The following NRG1 variants were observed in gnomAD, a reference collection of about 807,000 sequenced individuals.
NRG1 encodes neuregulin 1, also known as pro-neuregulin-1, membrane-bound isoform.
NRG1 carries 18 observed loss-of-function variants against 63.8 expected under a neutral mutation model. The observed-to-expected ratio is 0.28, with a 90% CI of 0.19 to 0.42. NRG1 has a LOEUF of 0.42. Ranked by LOEUF, NRG1 falls within the 10% of genes least tolerant of loss-of-function variation. The pLI, the probability that NRG1 is intolerant of heterozygous loss-of-function variation, is 1.00. For synonymous variants in NRG1, 302 were observed against 301.3 expected (o/e 1.00, Z -0.02); for missense variants, 762 against 814.7 (o/e 0.94, Z 0.79).
chr8:32,252,566 G>C (rs536007388), intron 1 of NRG1, among the ~76,000 whole-genome samples: 1 of 152,152 alleles, frequency 6.6e-6, no homozygotes, highest in South Asian at 2.1e-4. Flanking sequence ...ATCTGTTTTG[G>C]TACCAGTACC....
At chr8:32,275,349 C>T (rs1851981445) in intron 1 of NRG1, among the ~76,000 whole-genome samples, 1 of 151,924 alleles carries the variant, frequency 6.6e-6, no homozygotes, top group Non-Finnish European at 1.5e-5. Flanking sequence ...TGGAGACAGA[C>T]GGTAAGAATA....
At chr8:31,716,064 A>T (rs1465352499) in intron 1 of NRG1, among the ~76,000 whole-genome samples, 1 of 152,192 alleles carries the variant, frequency 6.6e-6, no homozygotes, top group Non-Finnish European at 1.5e-5. Flanking sequence ...CATGAATAAT[A>T]CTTCCAGTTA....
intron 5 of NRG1, among the ~76,000 whole-genome samples, chr8:32,646,162 TG>T (rs977330941): frequency 1.3e-5 from 2 of 152,128 alleles, no homozygotes; most frequent in Non-Finnish European, 2.9e-5. Context: ...TAGTCTTCTT[TG>T]GGTGAGATAG....
chr8:31,887,703 G>T (rs950476817), intron 1 of NRG1, among the ~76,000 whole-genome samples: 1 of 152,054 alleles, frequency 6.6e-6, no homozygotes, highest in African/African-American at 2.4e-5. Flanking sequence ...TCTGAGGAAA[G>T]ATGGCTGTAA....
At chr8:32,685,385 A>G (rs1809827832) in intron 5 of NRG1, among the ~76,000 whole-genome samples, 2 of 151,652 alleles carry the variant, frequency 1.3e-5, no homozygotes, top group South Asian at 4.2e-4. Flanking sequence ...AAGTGAGGGA[A>G]CTCCTCCCTT....
intron 1 of NRG1, among the ~76,000 whole-genome samples, chr8:32,285,746 T>C (rs1353066094): frequency 6.6e-6 from 1 of 152,208 alleles, no homozygotes; most frequent in Non-Finnish European, 1.5e-5. Flanking sequence ...TAGTACCATG[T>C]TGTCTTCCTA....
chr8:32,147,266 G>A (rs1443037796), intron 1 of NRG1, among the ~76,000 whole-genome samples: 1 of 152,114 alleles, frequency 6.6e-6, no homozygotes, highest in Non-Finnish European at 1.5e-5. Context: ...TGTACGCTAA[G>A]TAGATAATTG....
chr8:31,931,495 A>G (rs1019191414), intron 1 of NRG1, among the ~76,000 whole-genome samples: 3 of 152,190 alleles, frequency 2.0e-5, no homozygotes, highest in Non-Finnish European at 4.4e-5. Context: ...GATCATTATT[A>G]TAATTACAAC....
At chr8:31,651,260 T>C (rs1243886224) in intron 1 of NRG1, among the ~76,000 whole-genome samples, 1 of 152,232 alleles carries the variant, frequency 6.6e-6, no homozygotes, top group East Asian at 1.9e-4. Context: ...TGGCATCGTC[T>C]TTTCAAAAAG....
In NRG1 at chr8:32,363,003, G is replaced by A. The variant is rs190431963; in HGVS notation, c.38-232825G>A. 1.9e-3 allele frequency among the ~76,000 whole-genome samples: 290 copies of A among 152,274 alleles called. 1 individual carries two copies. Among genetic ancestry groups the A allele is most frequent in the Non-Finnish European group, 1.5e-3 (100 of 68,024 alleles). ...ACGTGCCCTGTGCAAGGCCACATGC[G>A]CATGGGGTGTGCAATTAACTCTGCC... On this transcript the variant is annotated intron_variant, in intron 1 of 10. Coordinates refer to the NRG1 transcript ENST00000519301.
chr8:32,288,079 T>A (rs1207858398), intron 1 of NRG1, among the ~76,000 whole-genome samples: 1 of 152,168 alleles, frequency 6.6e-6, no homozygotes, highest in Non-Finnish European at 1.5e-5. Flanking sequence ...TGCATTGCCA[T>A]TTTCAATCAA....
intron 1 of NRG1, among the ~76,000 whole-genome samples, chr8:32,594,020 G>A (rs1446050942): frequency 2.6e-5 from 4 of 152,298 alleles, no homozygotes; most frequent in East Asian, 3.9e-4. Context: ...AGGGGAATAT[G>A]TAGCTGTAGG....
chr8:31,863,108 TATCA>T (rs1479850052), intron 1 of NRG1, among the ~76,000 whole-genome samples: 1 of 152,026 alleles, frequency 6.6e-6, no homozygotes, highest in Non-Finnish European at 1.5e-5. Flanking sequence ...ATTCTCCAAC[TATCA>T]ATCTGCTTGT....
At chr8:31,954,325 A>G (rs1015347905) in intron 1 of NRG1, among the ~76,000 whole-genome samples, 1 of 152,222 alleles carries the variant, frequency 6.6e-6, no homozygotes, top group Non-Finnish European at 1.5e-5. Context: ...GTGGGTGAAC[A>G]TGTAGGATAA....
At chr8:32,735,505 A>G (rs898181522) in intron 6 of NRG1, among the ~76,000 whole-genome samples, 3 of 152,182 alleles carry the variant, frequency 2.0e-5, no homozygotes, top group South Asian at 2.1e-4. Flanking sequence ...TCACAGAATG[A>G]GGCTGGTGAA....
At chr8:32,754,562 C>T (rs1829331003) in intron 8 of NRG1, 88 bp downstream of exon 8, 2 of 1,214,878 alleles carry the variant, frequency 1.6e-6, no homozygotes, top group Admixed American at 3.9e-5. Context: ...AGCTCCACAG[C>T]CTAGTCTTGG....
intron 6 of NRG1, chr8:32,728,351 G>A: frequency 2.0e-6 from 2 of 984,342 alleles, no homozygotes; most frequent in Non-Finnish European, 2.4e-6. Flanking sequence ...TGCTTTCCTT[G>A]TGGTTTTTCT....
At chr8:31,765,626 T>C (rs1817982256) in intron 1 of NRG1, among the ~76,000 whole-genome samples, 2 of 152,196 alleles carry the variant, frequency 1.3e-5, no homozygotes, top group African/African-American at 4.8e-5. Context: ...TGCCTTCACA[T>C]GGGCAAGTGT....
intron 1 of NRG1, among the ~76,000 whole-genome samples, chr8:32,326,231 A>T (rs35880085): frequency 0.15 from 23,122 of 151,130 alleles, 1,955 homozygotes; most frequent in South Asian, 0.22. Flanking sequence ...GCTGGTCTTG[A>T]ACTCCTGGCC....
Sources: allele counts gnomAD v4.1 joint callset (sites outside exome capture counted in the v4.1 genomes callset), GRCh38; gene constraint gnomAD v4.1.1; transcripts MANE v1.5; gene names NCBI Gene and HGNC (gene_info 2026-07-23, HGNC 2026-07-21).